Variants in NPTXR observed in about 807,000 individuals in gnomAD.
NPTXR encodes neuronal pentraxin receptor.
Under a neutral mutation model 32.2 loss-of-function variants are expected in NPTXR, and 12 were observed. The observed-to-expected ratio is 0.37, with a 90% CI of 0.24 to 0.60. The LOEUF is 0.60. Ranked by LOEUF, NPTXR falls within the 20% of genes least tolerant of loss-of-function variation. The pLI is 0.66. For missense variants in NPTXR, 612 were observed against 682.9 expected (o/e 0.90, Z 1.16); for synonymous variants, 323 against 315.8 (o/e 1.02, Z -0.24).
chr22:38,824,291 C>A (rs534794015), intron 3 of NPTXR, among the ~76,000 whole-genome samples: 1 of 152,216 alleles, frequency 6.6e-6, no homozygotes, highest in African/African-American at 2.4e-5. Flanking sequence ...CCTTACCCAG[C>A]CTGAGATCAC....
At chr22:38,825,727 G>A (rs575402935) in intron 3 of NPTXR, among the ~76,000 whole-genome samples, 4 of 152,228 alleles carry the variant, frequency 2.6e-5, no homozygotes, top group East Asian at 1.9e-4. Flanking sequence ...TCTCCATAGC[G>A]GGGAGGGCCC....
chr22:38,836,759 C>CG (rs1370567655), intron 1 of NPTXR, among the ~76,000 whole-genome samples: 1 of 152,174 alleles, frequency 6.6e-6, no homozygotes, highest in Non-Finnish European at 1.5e-5. Flanking sequence ...TGACCTCTTC[C>CG]GTATCTTGAA....
intron 1 of NPTXR, among the ~76,000 whole-genome samples, chr22:38,839,213 T>C (rs1278925282): frequency 3.3e-5 from 5 of 152,268 alleles, no homozygotes; most frequent in African/African-American, 9.6e-5. Flanking sequence ...AAAGAAATGC[T>C]GTTGAAATTA....
chr22:38,835,539 C>T (rs149912150), intron 1 of NPTXR, among the ~76,000 whole-genome samples: 1,525 of 152,162 alleles, frequency 0.01, 14 homozygotes, highest in African/African-American at 0.021. Flanking sequence ...CTCCTGGGTC[C>T]GAGACCCCAG....
chr22:38,841,330 C>T (rs2093131319), intron 1 of NPTXR, among the ~76,000 whole-genome samples: 2 of 152,262 alleles, frequency 1.3e-5, no homozygotes, highest in Admixed American at 1.3e-4. Context: ...CCAGGGCTCC[C>T]CCAGCCTGGA....
In NPTXR at chr22:38,822,567, C is replaced by G. The variant is rs201779843; in HGVS notation, c.*42G>C. On this transcript the variant is annotated 3_prime_UTR_variant, in exon 5 of 5. Coordinates refer to ENST00000333039, the MANE Select transcript of NPTXR (RefSeq NM_014293.4). The stretch of plus-strand genomic sequence containing the variant: ...GGGAATATGACCCCCCTCAAGTCCC[C>G]AAAGTGGCAGGCAAGGGAGGGGCCC... The G allele has an allele frequency of 3.7e-4, 583 of 1,566,322 alleles. 3 individuals carry two copies. In the African/African-American group the frequency reaches 6.9e-3, roughly 19 times the overall value.
At chr22:38,839,339 C>A (rs2093128882) in intron 1 of NPTXR, among the ~76,000 whole-genome samples, 1 of 152,202 alleles carries the variant, frequency 6.6e-6, no homozygotes, top group Non-Finnish European at 1.5e-5. Context: ...TGGCTCCTGG[C>A]CTCAGCCATA....
chr22:38,822,564 C>A lies in NPTXR; in HGVS notation c.*45G>T, dbSNP rs555409349. On this transcript the variant is annotated 3_prime_UTR_variant, in exon 5 of 5. Transcript: ENST00000333039. The stretch of plus-strand genomic sequence containing the variant: ...GGAGGGAATATGACCCCCCTCAAGT[C>A]CCCAAAGTGGCAGGCAAGGGAGGGG... The A allele has an allele frequency of 1.3e-6, 2 of 1,554,584 alleles. No individual in the cohort carries two copies. Among genetic ancestry groups the A allele is most frequent in the East Asian group, 2.3e-5 (1 of 43,072 alleles).
At position 38,843,288 on chromosome 22, in the gene NPTXR, G is replaced by T. The variant is rs748522267; in HGVS notation, c.571C>A (p.Leu191Met). The T allele has an allele frequency of 1.0e-4, 146 of 1,438,984 alleles. 3 individuals are homozygous for T. In the South Asian group the frequency reaches 1.7e-3, roughly 17 times the overall value. The allele number at this position is 1,438,984 out of a possible 1,614,324, so 89.1% of individuals were successfully genotyped here. ...GCGCGCACGGCGTCCTCCAGCTCCA[G>T]AATGAGCGCAGGCGAGTCCCAGGGC... Residue 191 changes from leucine to methionine, a missense_variant, in exon 1 of 5, where the codon CTG becomes ATG. By Grantham distance (15) the Leu-to-Met change is conservative. Coordinates refer to ENST00000333039, the MANE Select transcript of NPTXR (RefSeq NM_014293.4). The surrounding 1 kb of genome is among the most constrained non-coding windows in gnomAD (Gnocchi z 5.3).
chr22:38,831,482 C>G (rs549001087), intron 1 of NPTXR, among the ~76,000 whole-genome samples: 1 of 152,284 alleles, frequency 6.6e-6, no homozygotes, highest in African/African-American at 2.4e-5. Context: ...AAGTGACAGG[C>G]CCTCATGGAC....
In NPTXR at chr22:38,821,183, C is replaced by G. The variant is rs146533376; in HGVS notation, c.*1426G>C. ...TGCTGGGATTACAGGCGTGAGCCAC[C>G]GTGCCCGGCCTCTCAGCTCTTAAGA... On this transcript the variant is annotated 3_prime_UTR_variant, in exon 5 of 5. Transcript: ENST00000333039. 1 of 152,332 alleles carries G rather than the reference C, an allele frequency of 6.6e-6. No individual in the cohort carries two copies. Among genetic ancestry groups the G allele is most frequent in the Non-Finnish European group, 1.5e-5 (1 of 68,154 alleles). 9.4% of individuals were successfully genotyped at this position (152,332 alleles called of 1,614,324 possible). A position where few individuals can be genotyped will look rare whatever the true frequency, so the allele number is the denominator to read the frequency against.
chr22:38,831,299 T>C (rs1037661168), intron 1 of NPTXR, among the ~76,000 whole-genome samples: 4 of 152,128 alleles, frequency 2.6e-5, no homozygotes, highest in Admixed American at 1.3e-4. Context: ...CCCAGCCACT[T>C]GGGTGGCTGA....
chr22:38,843,142 G>A lies in NPTXR; in HGVS notation c.624+93C>T. On this transcript the variant is annotated intron_variant, in intron 1 of 4. Transcript: ENST00000333039. The surrounding 1 kb of genome is among the most constrained non-coding windows in gnomAD (Gnocchi z 5.3). Reference sequence around the variant, plus strand: ...GCGCGATCGTCCCCGGAACACAGACGGGAGACCGGAGGCTCGGGGACCGCC... The same window carrying A: ...GCGCGATCGTCCCCGGAACACAGACAGGAGACCGGAGGCTCGGGGACCGCC... The A allele has an allele frequency of 2.6e-6, 3 of 1,156,686 alleles. No individual in the cohort carries two copies. Among genetic ancestry groups the A allele is most frequent in the Non-Finnish European group, 3.3e-6 (3 of 919,412 alleles). The allele number at this position is 1,156,686 out of a possible 1,614,324, so 71.7% of individuals were successfully genotyped here. A position where few individuals can be genotyped will look rare whatever the true frequency, so the allele number is the denominator to read the frequency against.
At chr22:38,824,990 C>T (rs892842197) in intron 3 of NPTXR, among the ~76,000 whole-genome samples, 15 of 152,158 alleles carry the variant, frequency 9.9e-5, no homozygotes, top group African/African-American at 2.9e-4. Flanking sequence ...CAGGTGGGTA[C>T]GATATGTGGT....
At chr22:38,839,890 A>G (rs1289505800) in intron 1 of NPTXR, among the ~76,000 whole-genome samples, 3 of 152,256 alleles carry the variant, frequency 2.0e-5, no homozygotes, top group Admixed American at 1.3e-4. Context: ...ATATTATGGC[A>G]TCATTAAAAT....
At chr22:38,838,775 G>T (rs1413766089) in intron 1 of NPTXR, among the ~76,000 whole-genome samples, 2 of 151,950 alleles carry the variant, frequency 1.3e-5, no homozygotes, top group African/African-American at 4.8e-5. Flanking sequence ...TAGAGACGGG[G>T]TTTCACCGTG....
At position 38,843,137 on chromosome 22, in the gene NPTXR, CA is replaced by C; in HGVS notation, c.624+97del. The C allele has an allele frequency of 8.7e-7, 1 of 1,149,358 alleles. No individual in the cohort carries two copies. The highest frequency in any genetic ancestry group is 1.1e-6 in the Non-Finnish European group (1 of 913,684). 71.2% of individuals were successfully genotyped at this position (1,149,358 alleles called of 1,614,324 possible). A position where few individuals can be genotyped will look rare whatever the true frequency, so the allele number is the denominator to read the frequency against. ...GGAAGGCGCGATCGTCCCCGGAACA[CA>C]GACGGGAGACCGGAGGCTCGGGGAC... On this transcript the variant is annotated intron_variant, in intron 1 of 4. Coordinates refer to ENST00000333039, the MANE Select transcript of NPTXR (RefSeq NM_014293.4). The surrounding 1 kb of genome is among the most constrained non-coding windows in gnomAD (Gnocchi z 5.3).
intron 3 of NPTXR, among the ~76,000 whole-genome samples, chr22:38,826,101 C>T (rs2093106193): frequency 6.6e-6 from 1 of 152,168 alleles, no homozygotes; most frequent in African/African-American, 2.4e-5. Context: ...CCTCGGCCTC[C>T]CAAAGTGCTG....
chr22:38,835,685 C>T (rs1891950004), intron 1 of NPTXR, among the ~76,000 whole-genome samples: 2 of 152,184 alleles, frequency 1.3e-5, no homozygotes, highest in Admixed American at 6.5e-5. Context: ...TTCCGGGCCC[C>T]CAAAATCCTC....
Sources: allele counts gnomAD v4.1 joint callset (sites outside exome capture counted in the v4.1 genomes callset), GRCh38; gene constraint gnomAD v4.1.1; non-coding constraint Gnocchi (gnomAD v3.1); transcripts MANE v1.5; gene names NCBI Gene and HGNC (gene_info 2026-07-23, HGNC 2026-07-21).